The following PCDHA10 variants were observed in gnomAD, a reference collection of about 807,000 sequenced individuals.
PCDHA10 encodes protocadherin alpha 10, also known as protocadherin alpha-10.
A neutral mutation model predicts 61.2 loss-of-function variants in PCDHA10; 45 were observed. That is an observed-to-expected ratio of 0.74 (90% confidence interval 0.58 to 0.94). The LOEUF (loss-of-function observed/expected upper bound fraction) is 0.94, where lower values mean the gene tolerates loss of function less well. Among genes scored for constraint, PCDHA10 ranks in the 40% least tolerant of loss-of-function variants. The probability of loss-of-function intolerance (pLI) is 0.00; values close to 1 mark genes in which losing one functional copy is unlikely to be tolerated. For synonymous variants in PCDHA10, 602 were observed against 548.8 expected (o/e 1.10, Z -1.35); for missense variants, 1,278 against 1,236.2 (o/e 1.03, Z -0.51).
intron 1 of PCDHA10, among the ~76,000 whole-genome samples, chr5:140,896,566 G>A (rs1562891221): frequency 6.7e-6 from 1 of 150,252 alleles, no homozygotes; most frequent in Non-Finnish European, 1.5e-5. Context: ...AAGTAGAGAT[G>A]GGGTTTTGAC....
chr5:140,957,346 G>C (rs1027225386), intron 1 of PCDHA10, among the ~76,000 whole-genome samples: 7 of 152,080 alleles, frequency 4.6e-5, no homozygotes, highest in Non-Finnish European at 8.8e-5. Flanking sequence ...TTTTGAGAGA[G>C]AGACCACATT....
At chr5:140,954,135 T>C (rs1281133424) in intron 1 of PCDHA10, among the ~76,000 whole-genome samples, 1 of 152,220 alleles carries the variant, frequency 6.6e-6, no homozygotes, top group Non-Finnish European at 1.5e-5. Context: ...TATGGATGCA[T>C]AGTATTCCAT....
chr5:140,894,098 T>C (rs1025974161), intron 1 of PCDHA10, among the ~76,000 whole-genome samples: 2 of 152,178 alleles, frequency 1.3e-5, no homozygotes, highest in Non-Finnish European at 2.9e-5. Flanking sequence ...TTCTAGCTCC[T>C]GGTGTTGCAG....
At chr5:140,899,479 A>T (rs2067352016) in intron 1 of PCDHA10, among the ~76,000 whole-genome samples, 1 of 152,194 alleles carries the variant, frequency 6.6e-6, no homozygotes, top group Non-Finnish European at 1.5e-5. Flanking sequence ...TTCTGTTTAT[A>T]TGCTGGATTA....
rs2044977263 is a variant in PCDHA10 at position 140,857,878 on chromosome 5, G to A, written c.1830G>A (p.Leu610=). Residue 610 remains leucine (L), a synonymous_variant, in exon 1 of 4, where the codon TTG becomes TTA. Coordinates refer to ENST00000307360, the MANE Select transcript of PCDHA10 (RefSeq NM_018901.4). ...ACAACGCGTGGCTGTCGTATGAATT[G>A]CAGTCGGCGGCGGTTGGTGCACGCA... ...SGYNAWLSYE[L]QSAAVGARIP... 3.1e-6 allele frequency: 5 copies of A among 1,597,814 alleles called. No homozygotes were observed. Among genetic ancestry groups the A allele is most frequent in the East Asian group, 4.5e-5 (2 of 44,806 alleles).
At chr5:140,869,561 C>G in intron 1 of PCDHA10, 1 of 1,614,150 alleles carries the variant, frequency 6.2e-7, no homozygotes, top group Non-Finnish European at 8.5e-7. Flanking sequence ...TCGCGTTTTC[C>G]ACTAGAGGGA....
intron 1 of PCDHA10, chr5:140,864,839 G>T (rs1335962458): frequency 6.6e-6 from 1 of 152,156 alleles, no homozygotes; most frequent in African/African-American, 2.4e-5. Flanking sequence ...GTATAAGAGA[G>T]TCTTCCCATA....
intron 1 of PCDHA10, among the ~76,000 whole-genome samples, chr5:140,904,545 C>A (rs2071206893): frequency 6.6e-6 from 1 of 151,876 alleles, no homozygotes; most frequent in Admixed American, 6.6e-5. Context: ...GTATCTTTTT[C>A]ATATAATGAC....
At chr5:140,892,595 A>G (rs1424989273) in intron 1 of PCDHA10, among the ~76,000 whole-genome samples, 1 of 151,958 alleles carries the variant, frequency 6.6e-6, no homozygotes, top group African/African-American at 2.4e-5. Flanking sequence ...TCATTCACCT[A>G]TTTTTTTCCT....
chr5:140,861,885 C>G (rs2047123718), intron 1 of PCDHA10: 1 of 155,106 alleles, frequency 6.4e-6, no homozygotes, highest in Non-Finnish European at 1.4e-5. Flanking sequence ...GCTGAGCTGA[C>G]AGGCACCAAA....
intron 1 of PCDHA10, among the ~76,000 whole-genome samples, chr5:140,941,595 A>G (rs1273931279): frequency 6.6e-6 from 1 of 152,016 alleles, no homozygotes; most frequent in Non-Finnish European, 1.5e-5. Context: ...GATTACAGCC[A>G]TGAGCCATGG....
rs2045390262 is a variant in PCDHA10 at position 140,858,401 on chromosome 5, G to T, written c.2353G>T (p.Glu785Ter). Residue 785 changes from glutamate to a stop codon, truncating the protein, a stop_gained, in exon 1 of 4, where the codon GAA becomes TAA. Transcript: ENST00000307360. LOFTEE classifies it high-confidence loss of function. Reference protein sequence around the residue: ...PPCPMVDVDGEDQSIGGDHSR... With the variant: ...PPCPMVDVDG ...ATGCCCAATGGTAGATGTGGACGGG[G>T]AAGATCAGTCTATTGGAGGGGACCA... 2 of 1,572,406 alleles carry T rather than the reference G, an allele frequency of 1.3e-6. No individual in the cohort carries two copies. Among genetic ancestry groups the T allele is most frequent in the Admixed American group, 1.8e-5 (1 of 55,130 alleles).
intron 3 of PCDHA10, among the ~76,000 whole-genome samples, chr5:140,984,425 A>G (rs1488284803): frequency 6.6e-6 from 1 of 152,174 alleles, no homozygotes; most frequent in Non-Finnish European, 1.5e-5. Context: ...GAGATAGAGA[A>G]GGGGATCTCC....
intron 1 of PCDHA10, chr5:140,884,559 C>A (rs782174598): frequency 6.2e-7 from 1 of 1,614,094 alleles, no homozygotes; most frequent in South Asian, 1.1e-5. Flanking sequence ...GGGGAGGGCC[C>A]GCATAAGACG....
At chr5:140,941,210 T>TCTTC (rs1480454721) in intron 1 of PCDHA10, among the ~76,000 whole-genome samples, 3 of 100,630 alleles carry the variant, frequency 3.0e-5, no homozygotes, top group Non-Finnish European at 5.7e-5. Context: ...TTCCTTTCTT[T>TCTTC]CTTCCTTTCT....
intron 1 of PCDHA10, chr5:140,877,485 G>A (rs1554169791): frequency 6.2e-7 from 1 of 1,613,882 alleles, no homozygotes; most frequent in Admixed American, 1.7e-5. Flanking sequence ...CGCTGGTGGA[G>A]AACGGCCAGG....
In PCDHA10 at chr5:140,908,379, G is replaced by A. The variant is rs553504980; in HGVS notation, c.2388+49943G>A. Among the ~76,000 whole-genome samples the A allele has an allele frequency of 7.2e-5, 11 of 152,198 alleles. No individual in the cohort carries two copies. In the South Asian group the frequency reaches 1.2e-3, roughly 17 times the overall value. On this transcript the variant is annotated intron_variant, in intron 1 of 3. Coordinates refer to ENST00000307360, the MANE Select transcript of PCDHA10 (RefSeq NM_018901.4). ...TTACTTGTGCCTTCAGGACCTGCTC[G>A]AGCCCGATCACATATATACCACTTC...
intron 1 of PCDHA10, chr5:140,929,251 G>A (rs782590821): frequency 6.2e-7 from 1 of 1,613,534 alleles, no homozygotes; most frequent in South Asian, 1.1e-5. Flanking sequence ...TGCCACTGGG[G>A]TAGGACTGAA....
At chr5:140,954,476 G>C (rs1467215585) in intron 1 of PCDHA10, among the ~76,000 whole-genome samples, 1 of 152,192 alleles carries the variant, frequency 6.6e-6, no homozygotes, top group Non-Finnish European at 1.5e-5. Context: ...ACTGGTGTGA[G>C]AAGATATTTC....
Sources: allele counts gnomAD v4.1 joint callset (sites outside exome capture counted in the v4.1 genomes callset), GRCh38; gene constraint gnomAD v4.1.1; transcripts MANE v1.5; gene names NCBI Gene and HGNC (gene_info 2026-07-23, HGNC 2026-07-21).